Variants in LRRC4C observed in about 807,000 individuals in gnomAD.
The protein encoded by LRRC4C is leucine-rich repeat-containing protein 4C.
A neutral mutation model predicts 33.6 loss-of-function variants in LRRC4C; 5 were observed. The ratio of observed to expected loss-of-function variants is 0.15; its 90% confidence interval spans 0.08 to 0.31. The LOEUF (loss-of-function observed/expected upper bound fraction) is 0.31. Ranked by LOEUF, LRRC4C falls within the 10% of genes least tolerant of loss-of-function variation. LRRC4C has a pLI of 1.00. For missense variants in LRRC4C, 560 were observed against 796.7 expected, an observed-to-expected ratio of 0.70 and a Z score of 3.58; for synonymous variants, 329 against 302.0, an observed-to-expected ratio of 1.09 and a Z score of -0.93.
chr11:40,730,733 T>C (rs1041737104), intron 2 of LRRC4C, among the ~76,000 whole-genome samples: 3 of 151,816 alleles, frequency 2.0e-5, no homozygotes, highest in African/African-American at 7.3e-5. Flanking sequence ...TGAATTATTA[T>C]AAACATTTGC....
intron 4 of LRRC4C, among the ~76,000 whole-genome samples, chr11:40,254,459 A>G (rs1867042892): frequency 6.6e-6 from 1 of 152,180 alleles, no homozygotes; most frequent in Non-Finnish European, 1.5e-5. Context: ...TCCATCTTTC[A>G]TATTGCCCAG....
chr11:40,808,396 A>G (rs756345640), intron 2 of LRRC4C, among the ~76,000 whole-genome samples: 5 of 152,106 alleles, frequency 3.3e-5, no homozygotes, highest in Non-Finnish European at 5.9e-5. Flanking sequence ...TAACCTTCCT[A>G]TACCTATTAC....
chr11:41,342,701 C>T (rs894963736), intron 1 of LRRC4C, among the ~76,000 whole-genome samples: 23 of 152,034 alleles, frequency 1.5e-4, no homozygotes, highest in African/African-American at 5.1e-4. Flanking sequence ...GGCAACAGAG[C>T]GAGACTCCAT....
At chr11:41,214,822 T>C (rs1292517556) in intron 1 of LRRC4C, among the ~76,000 whole-genome samples, 1 of 146,738 alleles carries the variant, frequency 6.8e-6, no homozygotes, top group Non-Finnish European at 1.5e-5. Flanking sequence ...TGTATATATA[T>C]ATTATATATA....
intron 3 of LRRC4C, among the ~76,000 whole-genome samples, chr11:40,459,719 T>C (rs80049259): frequency 0.015 from 2,227 of 152,192 alleles, 49 homozygotes; most frequent in African/African-American, 0.05. Flanking sequence ...CAAAGCTCTA[T>C]TTGGGAGTCT....
intron 2 of LRRC4C, among the ~76,000 whole-genome samples, chr11:40,905,545 A>G: frequency 6.6e-6 from 1 of 152,154 alleles, no homozygotes; most frequent in East Asian, 1.9e-4. Context: ...ACAGGCAGAA[A>G]CTACACGTTC....
chr11:40,840,337 C>A (rs1195343530), intron 2 of LRRC4C, among the ~76,000 whole-genome samples: 1 of 152,136 alleles, frequency 6.6e-6, no homozygotes, highest in African/African-American at 2.4e-5. Context: ...AACATTATTT[C>A]TATGTCTTTA....
intron 1 of LRRC4C, among the ~76,000 whole-genome samples, chr11:41,246,672 C>T (rs1948465152): frequency 6.6e-6 from 1 of 152,170 alleles, no homozygotes; most frequent in South Asian, 2.1e-4. Context: ...TCATCAATAT[C>T]ATGTATTTAG....
intron 2 of LRRC4C, among the ~76,000 whole-genome samples, chr11:40,768,700 G>T (rs931069572): frequency 1.3e-5 from 2 of 152,016 alleles, no homozygotes; most frequent in Admixed American, 1.3e-4. Context: ...AAATCAATCA[G>T]TGTGATACAT....
Position 41,333,979 on chromosome 11 carries a change from C to T in LRRC4C, c.-496+125452G>A, listed in dbSNP as rs546513077. Among the ~76,000 whole-genome samples, 5 of 152,076 alleles carry T rather than the reference C, an allele frequency of 3.3e-5. No individual in the cohort carries two copies. The East Asian group carries it at 9.7e-4, about 29-fold the overall frequency. On this transcript the variant is annotated intron_variant, in intron 1 of 6. Transcript: ENST00000528697. ...TATAATTATCTCAGAGGGTTGTTTT[C>T]TAGAAAATTTCACATCTGGCTATCT...
intron 2 of LRRC4C, among the ~76,000 whole-genome samples, chr11:40,893,065 CACTT>C (rs1244932756): frequency 1.3e-5 from 2 of 151,858 alleles, no homozygotes; most frequent in Admixed American, 6.6e-5. Context: ...GAAATCCTGT[CACTT>C]ACAGCAATAT....
intron 3 of LRRC4C, among the ~76,000 whole-genome samples, chr11:40,409,917 C>T (rs1186030648): frequency 6.6e-6 from 1 of 151,972 alleles, no homozygotes; most frequent in African/African-American, 2.4e-5. Context: ...AGCCATTTTA[C>T]AGTGAATATA....
At chr11:40,476,636 G>A (rs901356692) in intron 3 of LRRC4C, among the ~76,000 whole-genome samples, 1 of 152,024 alleles carries the variant, frequency 6.6e-6, no homozygotes, top group Non-Finnish European at 1.5e-5. Flanking sequence ...AAGCCACCAC[G>A]CCCAGCCAAG....
chr11:41,367,850 T>G (rs1952601550), intron 1 of LRRC4C, among the ~76,000 whole-genome samples: 1 of 152,092 alleles, frequency 6.6e-6, no homozygotes, highest in Non-Finnish European at 1.5e-5. Context: ...AGGTTCACAT[T>G]TGCCTTAATG....
At chr11:41,145,450 T>C (rs1829635913) in intron 1 of LRRC4C, among the ~76,000 whole-genome samples, 1 of 152,224 alleles carries the variant, frequency 6.6e-6, no homozygotes, top group Non-Finnish European at 1.5e-5. Flanking sequence ...AAATTGTGCC[T>C]GCTGCCTGTT....
At chr11:40,300,677 A>C (rs895974388) in intron 4 of LRRC4C, among the ~76,000 whole-genome samples, 2 of 152,240 alleles carry the variant, frequency 1.3e-5, no homozygotes, top group African/African-American at 4.8e-5. Context: ...CATACATTTT[A>C]AATCGTATCT....
At chr11:40,767,214 A>G (rs1191943989) in intron 2 of LRRC4C, among the ~76,000 whole-genome samples, 1 of 152,154 alleles carries the variant, frequency 6.6e-6, no homozygotes, top group African/African-American at 2.4e-5. Flanking sequence ...ATTAAAAACT[A>G]TAAAAAAGAC....
intron 1 of LRRC4C, among the ~76,000 whole-genome samples, chr11:41,031,731 A>T (rs566495720): frequency 4.9e-4 from 75 of 152,164 alleles, no homozygotes; most frequent in Admixed American, 9.8e-4. Flanking sequence ...ATTTGGATTC[A>T]AATGCCAGTT....
chr11:40,661,210 T>C (rs1943417296), intron 2 of LRRC4C, among the ~76,000 whole-genome samples: 1 of 152,196 alleles, frequency 6.6e-6, no homozygotes, highest in South Asian at 2.1e-4. Flanking sequence ...GATGCCAATG[T>C]GTATCCTGCT....
Sources: allele counts gnomAD v4.1 joint callset (sites outside exome capture counted in the v4.1 genomes callset), GRCh38; gene constraint gnomAD v4.1.1; transcripts MANE v1.5; gene names NCBI Gene and HGNC (gene_info 2026-07-23, HGNC 2026-07-21).